The following TRPM3 variants were observed in gnomAD, a reference collection of about 807,000 sequenced individuals.
The protein encoded by TRPM3 is transient receptor potential cation channel subfamily M member 3, also known as long transient receptor potential channel 3.
In TRPM3, 77 loss-of-function variants were observed where a neutral mutation model predicts 181.2. That is an observed-to-expected ratio of 0.42 (90% CI 0.35 to 0.51). The LOEUF is 0.51. TRPM3 is among the 20% of genes least tolerant of loss of function. TRPM3 has a pLI of 0.01. For synonymous variants in TRPM3, 745 were observed against 796.4 expected (o/e 0.94, Z 1.09); for missense variants, 1,759 against 2,196.7 (o/e 0.80, Z 3.98).
chr9:70,793,201 C>G (rs10868888), intron 6 of TRPM3, among the ~76,000 whole-genome samples: 1 of 152,118 alleles, frequency 6.6e-6, no homozygotes, highest in East Asian at 1.9e-4. Context: ...ATGCCGTAAT[C>G]CCAGCTCTTT....
rs74510700 is a variant in TRPM3 at position 70,974,539 on chromosome 9, A to AAAACAAAC, written c.178-110036_178-110029dup. 2.8e-3 allele frequency among the ~76,000 whole-genome samples: 419 copies of AAAACAAAC among 149,308 alleles called. 1 individual carries two copies. The highest frequency in any genetic ancestry group is 5.0e-3 in the African/African-American group (201 of 40,480). ...GGGCGACAGAGCGAGACTCCGTCTC[A>AAAACAAAC]AAACAAACAAACAAACAAACAAACA... is the stretch of plus-strand genomic sequence containing the variant. On this transcript the variant is annotated intron_variant, in intron 1 of 25. Transcript: ENST00000677713.
chr9:71,354,700 C>T (rs1416676025), intron 1 of TRPM3, among the ~76,000 whole-genome samples: 1 of 152,194 alleles, frequency 6.6e-6, no homozygotes, highest in Non-Finnish European at 1.5e-5. Flanking sequence ...ACCGAAATGT[C>T]TTATTCTACT....
At chr9:71,096,588 ACACTCTCTCTCTCTCT>A (rs1297783818) in intron 1 of TRPM3, among the ~76,000 whole-genome samples, 1 of 96,876 alleles carries the variant, frequency 1.0e-5, no homozygotes, top group East Asian at 2.4e-4. Context: ...ACACACACAC[ACACTCTCTCTCTCTCT>A]CTCTCTCTCT....
At chr9:70,920,884 A>G (rs1055208066) in intron 1 of TRPM3, among the ~76,000 whole-genome samples, 2 of 152,342 alleles carry the variant, frequency 1.3e-5, no homozygotes, top group East Asian at 3.9e-4. Context: ...CATTTTTAGC[A>G]GAATCTTCAA....
intron 5 of TRPM3, among the ~76,000 whole-genome samples, chr9:70,841,450 TAAAAC>T (rs1395282196): frequency 1.3e-5 from 2 of 148,898 alleles, no homozygotes; most frequent in Non-Finnish European, 3.0e-5. Flanking sequence ...TGTTATCACT[TAAAAC>T]AAAGGTTCTA....
intron 1 of TRPM3, among the ~76,000 whole-genome samples, chr9:71,009,248 C>A (rs1399700754): frequency 4.6e-5 from 7 of 151,962 alleles, no homozygotes; most frequent in South Asian, 2.1e-4. Flanking sequence ...GAATAAAGGG[C>A]ACTCAAAACA....
chr9:70,590,046 G>C (rs2057858174), intron 22 of TRPM3, among the ~76,000 whole-genome samples: 2 of 152,128 alleles, frequency 1.3e-5, no homozygotes, highest in Admixed American at 1.3e-4. Flanking sequence ...CAGACGGCTG[G>C]CCTGTCAGCA....
rs139821982 is a variant in TRPM3 at position 71,138,241 on chromosome 9, A to G, written c.184-273730T>C. 6.5e-3 allele frequency among the ~76,000 whole-genome samples: 986 copies of G among 152,298 alleles called. 10 individuals are homozygous for G. Among genetic ancestry groups the G allele is most frequent in the African/African-American group, 0.023 (951 of 41,574 alleles). On this transcript the variant is annotated intron_variant, in intron 1 of 24. Coordinates refer to the TRPM3 transcript ENST00000357533. ...TTCTCAAACTCACACACTGGGGTCCATATCAAAGGTCTCTATGGCAACTTT... is the reference window on the plus strand; with the variant it reads ...TTCTCAAACTCACACACTGGGGTCCGTATCAAAGGTCTCTATGGCAACTTT...
intron 1 of TRPM3, among the ~76,000 whole-genome samples, chr9:71,369,060 A>G (rs530599374): frequency 7.5e-4 from 114 of 152,306 alleles, no homozygotes; most frequent in African/African-American, 2.7e-3. Context: ...TTGCAAAAGA[A>G]TAACTGAGAT....
intron 1 of TRPM3, among the ~76,000 whole-genome samples, chr9:70,891,315 T>A (rs2096199058): frequency 6.6e-6 from 1 of 152,154 alleles, no homozygotes; most frequent in Non-Finnish European, 1.5e-5. Flanking sequence ...AGGGAAAAGA[T>A]GAAGTATATG....
chr9:71,013,696 G>A (rs998819209), intron 1 of TRPM3, among the ~76,000 whole-genome samples: 1 of 151,898 alleles, frequency 6.6e-6, no homozygotes, highest in African/African-American at 2.4e-5. Context: ...AGATTTTAAA[G>A]TTTATTTGCA....
chr9:71,308,842 G>T (rs2087637882), intron 1 of TRPM3, among the ~76,000 whole-genome samples: 1 of 151,060 alleles, frequency 6.6e-6, no homozygotes, highest in African/African-American at 2.4e-5. Context: ...TAATGCATTG[G>T]GTCTTGCATT....
intron 1 of TRPM3, among the ~76,000 whole-genome samples, chr9:71,095,533 T>C (rs1408454170): frequency 1.3e-5 from 2 of 151,068 alleles, no homozygotes; most frequent in African/African-American, 4.9e-5. Flanking sequence ...CCAAGGAGGG[T>C]GGATCAGCTG....
chr9:70,953,815 C>T (rs1355670157), intron 1 of TRPM3, among the ~76,000 whole-genome samples: 2 of 152,152 alleles, frequency 1.3e-5, no homozygotes, highest in African/African-American at 4.8e-5. Flanking sequence ...AGCAGGTTGA[C>T]GGAGCTGCCC....
rs377335115 is a variant in TRPM3 at position 71,165,869 on chromosome 9, G to GA, written c.183+280783dup. Among the ~76,000 whole-genome samples, 1,150 of 152,260 alleles carry GA rather than the reference G, an allele frequency of 7.6e-3. 20 individuals are homozygous for GA. The highest frequency in any genetic ancestry group is 0.026 in the African/African-American group (1,075 of 41,556). ...AGGTGAGGTTAATGTCTATCCCCAG[G>GA]AATGTGGGACAAACTATAGAACCTG... On this transcript the variant is annotated intron_variant, in intron 1 of 24. Transcript: ENST00000357533.
chr9:70,871,363 G>A (rs755669081), intron 1 of TRPM3, among the ~76,000 whole-genome samples: 4 of 151,742 alleles, frequency 2.6e-5, no homozygotes, highest in Admixed American at 6.6e-5. Flanking sequence ...ACATGTATAC[G>A]GAGTCTTTAA....
intron 1 of TRPM3, among the ~76,000 whole-genome samples, chr9:71,404,447 T>G (rs1036879997): frequency 6.6e-6 from 1 of 152,120 alleles, no homozygotes; most frequent in African/African-American, 2.4e-5. Context: ...CTTATTCATC[T>G]CTCTTTTTTC....
intron 1 of TRPM3, among the ~76,000 whole-genome samples, chr9:71,202,656 T>C (rs1193982549): frequency 1.3e-5 from 2 of 152,260 alleles, no homozygotes; most frequent in East Asian, 3.9e-4. Context: ...GGTATGTCAG[T>C]TGGTAAACTT....
intron 5 of TRPM3, among the ~76,000 whole-genome samples, chr9:70,839,006 G>A (rs917719636): frequency 1.5e-4 from 23 of 152,058 alleles, no homozygotes; most frequent in African/African-American, 4.8e-4. Flanking sequence ...CCAACAGGCC[G>A]CTCCCTCACC....
Sources: gnomAD v4.1 joint callset for allele counts (sites outside exome capture counted in the v4.1 genomes callset) on GRCh38, gnomAD v4.1.1 for gene constraint, MANE v1.5 for transcripts, NCBI Gene and HGNC (gene_info 2026-07-23, HGNC 2026-07-21) for gene names.